The following SORCS1 variants were observed in gnomAD, a reference collection of about 807,000 sequenced individuals.
SORCS1 encodes VPS10 domain-containing receptor SorCS1.
A neutral mutation model predicts 146.1 loss-of-function variants in SORCS1; 60 were observed. That is an observed-to-expected ratio of 0.41 (90% CI 0.33 to 0.51). The LOEUF is 0.51. SORCS1 is among the 20% of genes least tolerant of loss of function. The pLI is 0.21. For missense variants in SORCS1, 1,352 were observed against 1,487.6 expected (o/e 0.91, Z 1.50); for synonymous variants, 637 against 584.0 (o/e 1.09, Z -1.31).
Position 106,579,450 on chromosome 10 carries a change from G to C in SORCS1, c.3290C>G (p.Thr1097Ser), listed in dbSNP as rs963071010. 21 of 1,613,742 alleles carry C rather than the reference G, an allele frequency of 1.3e-5. No homozygotes were observed. Among genetic ancestry groups the C allele is most frequent in the Admixed American group, 6.7e-5 (4 of 59,958 alleles). ...TAAPLVDLTP[T>S]HSGSAMLMLL... ...CATCAGCATGGCAGATCCACTGTGG[G>C]TTGGAGTGAGGTCCACCAGGGGGGC... is the stretch of plus-strand genomic sequence containing the variant. The change falls in exon 25 of 26, where the codon ACC (threonine) becomes AGC (serine). Residue 1097 changes from threonine to serine, a missense_variant. Thr to Ser is a moderately conservative substitution (Grantham distance 58). This residue lies in a region of SORCS1 where 214 missense variants were observed against 204.8 expected (regional missense o/e 1.05). Coordinates refer to ENST00000263054, the MANE Select transcript of SORCS1 (RefSeq NM_052918.5).
chr10:106,630,720 C>T lies in SORCS1; in HGVS notation c.2476-1332G>A, dbSNP rs61868367. Among the ~76,000 whole-genome samples the T allele has an allele frequency of 3.8e-3, 585 of 152,200 alleles. 4 individuals carry two copies. The highest frequency in any genetic ancestry group is 5.4e-3 in the Admixed American group (82 of 15,294). The stretch of plus-strand genomic sequence containing the variant: ...TCTGTAAAACGCTACATAAAAATGA[C>T]TATAAATCAATGTAGCTATAAAAGA... On this transcript the variant is annotated intron_variant, in intron 18 of 25. Coordinates refer to ENST00000263054, the MANE Select transcript of SORCS1 (RefSeq NM_052918.5).
At chr10:106,751,895 T>A (rs1858274512) in intron 5 of SORCS1, among the ~76,000 whole-genome samples, 1 of 152,180 alleles carries the variant, frequency 6.6e-6, no homozygotes, top group Non-Finnish European at 1.5e-5. Context: ...TAGAAATATG[T>A]TAAAGGCAGA....
intron 1 of SORCS1, among the ~76,000 whole-genome samples, chr10:107,013,427 T>A (rs1957766003): frequency 6.6e-6 from 1 of 152,038 alleles, no homozygotes; most frequent in Admixed American, 6.5e-5. Flanking sequence ...AGATCTGGGT[T>A]AACCTGGAGT....
intron 3 of SORCS1, among the ~76,000 whole-genome samples, chr10:106,821,993 G>T (rs1384417537): frequency 6.6e-6 from 1 of 152,008 alleles, no homozygotes; most frequent in Non-Finnish European, 1.5e-5. Flanking sequence ...TGAGAACCAG[G>T]CAAATTAGCA....
chr10:107,035,344 T>C (rs1387344921), intron 1 of SORCS1, among the ~76,000 whole-genome samples: 1 of 150,524 alleles, frequency 6.6e-6, no homozygotes. Context: ...GAGGAAAGCA[T>C]AGTGAATCAG....
At chr10:106,703,424 T>C (rs1177776207) in intron 8 of SORCS1, among the ~76,000 whole-genome samples, 1 of 152,166 alleles carries the variant, frequency 6.6e-6, no homozygotes, top group African/African-American at 2.4e-5. Context: ...TCGTATGTAT[T>C]GCCTCATTTA....
At chr10:106,997,488 C>A (rs1434938256) in intron 1 of SORCS1, among the ~76,000 whole-genome samples, 1 of 152,128 alleles carries the variant, frequency 6.6e-6, no homozygotes, top group Non-Finnish European at 1.5e-5. Flanking sequence ...CCAACTCAGC[C>A]CCCAGTAAAA....
rs772945071 is a variant in SORCS1 at position 106,865,104 on chromosome 10, C to A, written c.627-35431G>T. ...GGTGACCAGGGGCTGAATCAGACCC[C>A]TGGCACAGCACAGCTGCTATACAAA... On this transcript the variant is annotated intron_variant, in intron 2 of 25. Transcript: ENST00000263054. 2.0e-5 allele frequency among the ~76,000 whole-genome samples: 3 copies of A among 152,084 alleles called. 1 individual carries two copies. Among genetic ancestry groups the A allele is most frequent in the Non-Finnish European group, 2.9e-5 (2 of 68,022 alleles).
chr10:106,929,175 G>A (rs897012697), intron 2 of SORCS1, among the ~76,000 whole-genome samples: 3 of 152,068 alleles, frequency 2.0e-5, no homozygotes, highest in Non-Finnish European at 4.4e-5. Flanking sequence ...TTAGAGGAGA[G>A]ACTTAGAAGG....
Position 106,819,461 on chromosome 10 carries a change from C to T in SORCS1, c.726+10113G>A, listed in dbSNP as rs529723041. Among the ~76,000 whole-genome samples the T allele has an allele frequency of 1.5e-4, 23 of 152,226 alleles. No homozygotes were observed. In the South Asian group the frequency reaches 3.7e-3, roughly 25 times the overall value. On this transcript the variant is annotated intron_variant, in intron 3 of 25. Coordinates refer to ENST00000263054, the MANE Select transcript of SORCS1 (RefSeq NM_052918.5). The stretch of plus-strand genomic sequence containing the variant: ...ACCTTCAAATAACAAAGTGTATCTC[C>T]GCAGTGACAGGAAATAGGTGCTGAG...
chr10:106,665,024 A>G (rs1851025399), intron 17 of SORCS1, among the ~76,000 whole-genome samples: 1 of 152,090 alleles, frequency 6.6e-6, no homozygotes, highest in Admixed American at 6.6e-5. Flanking sequence ...TAAAAGTGTT[A>G]TTTATATTTC....
chr10:106,670,643 C>G (rs891829374), intron 16 of SORCS1, among the ~76,000 whole-genome samples: 1 of 151,898 alleles, frequency 6.6e-6, no homozygotes, highest in East Asian at 1.9e-4. Flanking sequence ...CCTAAAAAGT[C>G]CACTTAGTGT....
chr10:106,738,025 T>C (rs189124664), intron 5 of SORCS1, among the ~76,000 whole-genome samples: 3 of 152,300 alleles, frequency 2.0e-5, no homozygotes, highest in Non-Finnish European at 4.4e-5. Context: ...TCTCTAACTA[T>C]TTTATTGCAA....
intron 24 of SORCS1, 114 bp from the exon 25 acceptor site, chr10:106,579,588 G>T: frequency 9.6e-7 from 1 of 1,037,036 alleles, no homozygotes; most frequent in Non-Finnish European, 1.4e-6. Context: ...AAACCATGTG[G>T]GATATACACA....
At chr10:107,119,348 G>A (rs936648288) in intron 1 of SORCS1, among the ~76,000 whole-genome samples, 2 of 152,172 alleles carry the variant, frequency 1.3e-5, no homozygotes, top group Non-Finnish European at 2.9e-5. Flanking sequence ...GCACTCAGCT[G>A]AGGTATTGCA....
intron 22 of SORCS1, among the ~76,000 whole-genome samples, chr10:106,608,259 T>C (rs1846742695): frequency 6.6e-6 from 1 of 152,232 alleles, no homozygotes; most frequent in Non-Finnish European, 1.5e-5. Context: ...TCTTACGCTT[T>C]TGCCAAATGG....
At chr10:106,761,850 A>T (rs1220521201) in intron 4 of SORCS1, among the ~76,000 whole-genome samples, 189 bp from the exon 5 acceptor site, 1 of 152,232 alleles carries the variant, frequency 6.6e-6, no homozygotes, top group Non-Finnish European at 1.5e-5. Flanking sequence ...GACTAATATC[A>T]TCATTTTACA....
Position 106,627,029 on chromosome 10 carries a change from AAATG to A in SORCS1, c.2662+2169_2662+2172del, listed in dbSNP as rs553528168. On this transcript the variant is annotated intron_variant, in intron 19 of 25. Coordinates refer to ENST00000263054, the MANE Select transcript of SORCS1 (RefSeq NM_052918.5). ...TAGGCTAATGAAATGAAAGAATTGCAAATGAATGAAGAAACTGGTTTCTTTTAGA... is the reference window on the plus strand; with the variant it reads ...TAGGCTAATGAAATGAAAGAATTGCAAATGAAGAAACTGGTTTCTTTTAGA... 3.8e-3 allele frequency among the ~76,000 whole-genome samples: 579 copies of A among 152,356 alleles called. 4 individuals are homozygous for A. Among genetic ancestry groups the A allele is most frequent in the African/African-American group, 0.013 (543 of 41,572 alleles).
intron 3 of SORCS1, among the ~76,000 whole-genome samples, chr10:106,801,330 A>G (rs1282406640): frequency 6.6e-6 from 1 of 152,128 alleles, no homozygotes; most frequent in Admixed American, 6.6e-5. Flanking sequence ...TGGTTTGGGG[A>G]ATTAAGAAAA....
Sources: gnomAD v4.1 joint callset for allele counts (sites outside exome capture counted in the v4.1 genomes callset) on GRCh38, gnomAD v4.1.1 for gene constraint, gnomAD v4.1.1 regional missense constraint, MANE v1.5 for transcripts, NCBI Gene and HGNC (gene_info 2026-07-23, HGNC 2026-07-21) for gene names.